The following TICRR variants were observed in gnomAD, a reference collection of about 807,000 sequenced individuals.
The protein encoded by TICRR is TOPBP1 interacting checkpoint and replication regulator.
A neutral mutation model predicts 178.1 loss-of-function variants in TICRR; 132 were observed. That is an observed-to-expected ratio of 0.74 (90% CI 0.64 to 0.86). TICRR has a LOEUF of 0.86. Among genes scored for constraint, TICRR ranks in the 40% least tolerant of loss-of-function variants. TICRR has a pLI of 0.00. For missense variants in TICRR, 2,587 were observed against 2,334.3 expected, an observed-to-expected ratio of 1.11 and a Z score of -2.23; for synonymous variants, 991 against 900.7, an observed-to-expected ratio of 1.10 and a Z score of -1.79.
At chr15:89,576,961 T>C (rs1962633678) in intron 1 of TICRR, among the ~76,000 whole-genome samples, 1 of 151,598 alleles carries the variant, frequency 6.6e-6, no homozygotes, top group Non-Finnish European at 1.5e-5. Flanking sequence ...TGGAATGCAG[T>C]GGCTCACTGC....
At position 89,624,411 on chromosome 15, in the gene TICRR, A is replaced by C; in HGVS notation, c.4101A>C (p.Arg1367Ser). The C allele has an allele frequency of 6.2e-7, 1 of 1,614,076 alleles. No homozygotes were observed. Among genetic ancestry groups the C allele is most frequent in the Non-Finnish European group, 8.5e-7 (1 of 1,180,014 alleles). The change falls in exon 20 of 22, where the codon AGA becomes AGC. Residue 1367 changes from arginine to serine, a missense_variant. Transcript: ENST00000268138. ...CAACTCCCCCTGAACTCTCACAGAG[A>C]GCTACATTGGACACCGTCCCTCCTC... is the stretch of plus-strand genomic sequence containing the variant. ...VPSTPPELSQ[R>S]ATLDTVPPPP...
In TICRR at chr15:89,599,468, A is replaced by G. The variant is rs1017829952; in HGVS notation, c.2045A>G (p.Glu682Gly). ...KMFLKSKGTK[E>G]LEVNCLNQVK... Reference sequence around the variant, plus strand: ...TTCCTAAAATCAAAAGGCACCAAGGAATTAGAAGTAAGAGGGTCCAGATAT... The same window carrying G: ...TTCCTAAAATCAAAAGGCACCAAGGGATTAGAAGTAAGAGGGTCCAGATAT... The change falls in exon 8 of 22, where the codon GAA (glutamate) becomes GGA (glycine). Residue 682 changes from glutamate to glycine, a missense_variant. Physicochemically the swap from Glu to Gly is moderately conservative, Grantham distance 98 (BLOSUM62 -2). Transcript: ENST00000268138. The G allele has an allele frequency of 6.2e-7, 1 of 1,611,896 alleles. No homozygotes were observed. The highest frequency in any genetic ancestry group is 1.3e-5 in the African/African-American group (1 of 74,824).
intron 11 of TICRR, 48 bp from the exon 12 acceptor site, chr15:89,601,689 A>G (rs1963100878): frequency 6.2e-7 from 1 of 1,612,838 alleles, no homozygotes; most frequent in Non-Finnish European, 8.5e-7. Context: ...GAGGGAATAG[A>G]GAGGGTAAGA....
chr15:89,583,175 C>CA (rs376873938), intron 2 of TICRR, among the ~76,000 whole-genome samples: 71 of 151,750 alleles, frequency 4.7e-4, no homozygotes, highest in Non-Finnish European at 6.5e-4. Context: ...AGCCTTTGTA[C>CA]AAAAAAACAA....
rs1963494576 is a variant in TICRR at position 89,625,073 on chromosome 15, C to T, written c.4763C>T (p.Pro1588Leu). ...CCCAGCTCTTCATTAGAGGCTGAGC[C>T]CCTCAGCAAGGAGGAGAGCTCTCTG... is the stretch of plus-strand genomic sequence containing the variant. Reference protein sequence around the residue: ...IDPSSSLEAEPLSKEESSLGE... With the variant: ...IDPSSSLEAELLSKEESSLGE... Residue 1588 changes from proline to leucine, a missense_variant, in exon 20 of 22, where the codon CCC (proline) becomes CTC (leucine). By Grantham distance (98) the Pro-to-Leu change is moderately conservative. Coordinates refer to ENST00000268138, the MANE Select transcript of TICRR (RefSeq NM_152259.4). The T allele has an allele frequency of 6.2e-7, 1 of 1,613,810 alleles. No individual in the cohort carries two copies. Among genetic ancestry groups the T allele is most frequent in the Admixed American group, 1.7e-5 (1 of 59,994 alleles).
At chr15:89,588,320 C>T (rs1216430186) in intron 4 of TICRR, among the ~76,000 whole-genome samples, 1 of 152,138 alleles carries the variant, frequency 6.6e-6, no homozygotes, top group African/African-American at 2.4e-5. Context: ...GCTTGCCTGC[C>T]TCCAGCCACA....
chr15:89,605,883 G>A (rs955806608), intron 13 of TICRR, among the ~76,000 whole-genome samples: 3 of 152,142 alleles, frequency 2.0e-5, no homozygotes, highest in African/African-American at 7.2e-5. Flanking sequence ...TGATGCATCT[G>A]GGGTTTAGAC....
Position 89,602,948 on chromosome 15 carries a change from T to A in TICRR, c.2664+56T>A, listed in dbSNP as rs562177207. ...AGTAAATAAGAACAAAAAGGCAGTG[T>A]CCCTACTTTTAGGAAAATGAACTTT... On this transcript the variant is annotated intron_variant, in intron 13 of 21. Coordinates refer to ENST00000268138, the MANE Select transcript of TICRR (RefSeq NM_152259.4). The A allele has an allele frequency of 3.0e-5, 28 of 948,380 alleles. No individual in the cohort carries two copies. The African/African-American group carries it at 4.4e-4, about 15-fold the overall frequency. 58.7% of individuals were successfully genotyped at this position (948,380 alleles called of 1,614,324 possible). A position where few individuals can be genotyped will look rare whatever the true frequency, so the allele number is the denominator to read the frequency against.
chr15:89,585,171 C>G (rs1338560196), intron 3 of TICRR, among the ~76,000 whole-genome samples: 1 of 152,192 alleles, frequency 6.6e-6, no homozygotes, highest in Non-Finnish European at 1.5e-5. Flanking sequence ...AGTCATTGGA[C>G]AGATGCTGTT....
At chr15:89,593,865 AT>A (rs1962953341) in intron 5 of TICRR, among the ~76,000 whole-genome samples, 1 of 152,166 alleles carries the variant, frequency 6.6e-6, no homozygotes, top group Admixed American at 6.6e-5. Context: ...CAAATAACAC[AT>A]TTTGAATGTT....
chr15:89,613,957 A>G (rs1460430700), intron 15 of TICRR, among the ~76,000 whole-genome samples: 1 of 151,998 alleles, frequency 6.6e-6, no homozygotes, highest in Non-Finnish European at 1.5e-5. Context: ...GATCCAGACC[A>G]TCCTGGCTAA....
intron 1 of TICRR, among the ~76,000 whole-genome samples, chr15:89,578,638 T>C (rs1191344553): frequency 6.7e-6 from 1 of 150,292 alleles, no homozygotes; most frequent in Non-Finnish European, 1.5e-5. Flanking sequence ...TCTCTTTTTT[T>C]CTCTTTAATC....
rs1963090956 is a variant in TICRR, at chr15:89,601,289, T to C, written c.2154-9T>C. The C allele has an allele frequency of 6.2e-7, 1 of 1,613,696 alleles. No homozygotes were observed. Among genetic ancestry groups the C allele is most frequent in the East Asian group, 2.2e-5 (1 of 44,878 alleles). Reference sequence around the variant, plus strand: ...AAGTAGATATGACCAAGTATTTTTTTCTCTCAAGGTGCCAGCTTCAGGTAT... The same window carrying C: ...AAGTAGATATGACCAAGTATTTTTTCCTCTCAAGGTGCCAGCTTCAGGTAT... On this transcript the variant is annotated splice_polypyrimidine_tract_variant and intron_variant, in intron 9 of 21. Transcript: ENST00000268138.
At chr15:89,614,103 G>A (rs556330966) in intron 15 of TICRR, among the ~76,000 whole-genome samples, 7 of 152,024 alleles carry the variant, frequency 4.6e-5, no homozygotes, top group East Asian at 3.9e-4. Context: ...GCAGTGAGCC[G>A]AGATCACGCC....
intron 13 of TICRR, among the ~76,000 whole-genome samples, chr15:89,604,058 G>A (rs1049253885): frequency 3.3e-5 from 5 of 152,124 alleles, no homozygotes; most frequent in Admixed American, 3.3e-4. Flanking sequence ...AACCTAGCTG[G>A]AATCTGTTTA....
At chr15:89,605,573 A>C (rs1401373834) in intron 13 of TICRR, among the ~76,000 whole-genome samples, 1 of 152,066 alleles carries the variant, frequency 6.6e-6, no homozygotes, top group African/African-American at 2.4e-5. Context: ...GTTAGCCAGG[A>C]TGGTCTCAAT....
intron 3 of TICRR, among the ~76,000 whole-genome samples, chr15:89,585,373 C>T (rs1216222292): frequency 6.6e-6 from 1 of 152,182 alleles, no homozygotes; most frequent in Non-Finnish European, 1.5e-5. Flanking sequence ...GTGGCTTTAA[C>T]AGGTTACTTC....
chr15:89,576,068 C>G lies in TICRR; in HGVS notation c.482C>G (p.Pro161Arg). Residue 161 changes from proline (P) to arginine (R), a missense_variant, in exon 1 of 22, where the codon CCG becomes CGG. By Grantham distance (103) the Pro-to-Arg change is moderately radical. Transcript: ENST00000268138. ...VNAVFLLAPC[P>R]HSQRELLQFV... is the part of the protein sequence containing the mutation. Reference sequence around the variant, plus strand: ...GCCGTCTTCCTCCTGGCCCCCTGTCCGCACTCGCAGAGGGAGCTGCTGCAG... The same window carrying G: ...GCCGTCTTCCTCCTGGCCCCCTGTCGGCACTCGCAGAGGGAGCTGCTGCAG... 6.2e-7 allele frequency: 1 copy of G among 1,612,006 alleles called. No homozygotes were observed. Among genetic ancestry groups the G allele is most frequent in the Non-Finnish European group, 8.5e-7 (1 of 1,179,794 alleles).
chr15:89,622,345 C>T (rs1419534718), intron 19 of TICRR, among the ~76,000 whole-genome samples: 2 of 152,108 alleles, frequency 1.3e-5, no homozygotes, highest in Non-Finnish European at 2.9e-5. Flanking sequence ...TACCCTAGTT[C>T]AGGTCTACCT....
Sources: allele counts gnomAD v4.1 joint callset (sites outside exome capture counted in the v4.1 genomes callset), GRCh38; gene constraint gnomAD v4.1.1; transcripts MANE v1.5; gene names NCBI Gene and HGNC (gene_info 2026-07-23, HGNC 2026-07-21).